Variants in DIAPH3 observed in about 807,000 individuals in gnomAD.
DIAPH3 encodes the protein diaphanous related formin 3.
DIAPH3 carries 117 observed loss-of-function variants against 144.3 expected under a neutral mutation model. The observed-to-expected ratio is 0.81, with a 90% CI of 0.70 to 0.95. DIAPH3 has a LOEUF of 0.95. Ranked by LOEUF, DIAPH3 falls within the 40% of genes least tolerant of loss-of-function variation. The pLI is 0.00. For synonymous variants in DIAPH3, 519 were observed against 488.9 expected (o/e 1.06, Z -0.81); for missense variants, 1,421 against 1,412.7 (o/e 1.01, Z -0.09).
At chr13:60,113,158 T>C (rs1301893561) in intron 2 of DIAPH3, among the ~76,000 whole-genome samples, 1 of 152,218 alleles carries the variant, frequency 6.6e-6, no homozygotes, top group African/African-American at 2.4e-5. Context: ...CTATGTATGA[T>C]TATTAAATTA....
intron 27 of DIAPH3, among the ~76,000 whole-genome samples, chr13:59,761,879 G>A (rs190257797): frequency 2.6e-5 from 4 of 151,828 alleles, no homozygotes; most frequent in East Asian, 1.9e-4. Flanking sequence ...AAGAGATTTC[G>A]GCTTCTGGTT....
chr13:59,921,893 G>A (rs755396378), intron 18 of DIAPH3, among the ~76,000 whole-genome samples: 7 of 151,996 alleles, frequency 4.6e-5, no homozygotes, highest in Non-Finnish European at 8.8e-5. Context: ...ATGCAAGGAT[G>A]GTTCAAAACA....
chr13:59,712,325 C>G (rs1025251142), intron 27 of DIAPH3, among the ~76,000 whole-genome samples: 1 of 152,166 alleles, frequency 6.6e-6, no homozygotes, highest in African/African-American at 2.4e-5. Context: ...TTCTCTTTCT[C>G]AAATAAAGCA....
At chr13:59,771,765 T>C (rs1476209824) in intron 27 of DIAPH3, among the ~76,000 whole-genome samples, 1 of 152,136 alleles carries the variant, frequency 6.6e-6, no homozygotes, top group Admixed American at 6.6e-5. Context: ...TTGACTAGTT[T>C]CGACTATGAA....
At chr13:59,791,771 G>C (rs2039338178) in intron 25 of DIAPH3, among the ~76,000 whole-genome samples, 1 of 152,192 alleles carries the variant, frequency 6.6e-6, no homozygotes, top group Non-Finnish European at 1.5e-5. Context: ...CTTTCTCCCA[G>C]AATCTGACAA....
At chr13:60,118,461 C>G (rs1040736540) in intron 2 of DIAPH3, among the ~76,000 whole-genome samples, 2 of 152,106 alleles carry the variant, frequency 1.3e-5, no homozygotes, top group Non-Finnish European at 2.9e-5. Flanking sequence ...GAAATTTTCA[C>G]GAAATCCAGG....
At chr13:60,002,961 G>A (rs541441451) in intron 9 of DIAPH3, among the ~76,000 whole-genome samples, 1 of 152,260 alleles carries the variant, frequency 6.6e-6, no homozygotes, top group African/African-American at 2.4e-5. Flanking sequence ...AATAACAGAA[G>A]ATTAAAGGAC....
At chr13:60,131,549 C>T (rs747039776) in intron 2 of DIAPH3, among the ~76,000 whole-genome samples, 6 of 149,930 alleles carry the variant, frequency 4.0e-5, no homozygotes, top group South Asian at 4.2e-4. Flanking sequence ...AGACCACATA[C>T]GATATGAGTC....
chr13:59,809,870 T>C (rs941082410), intron 25 of DIAPH3, among the ~76,000 whole-genome samples: 1 of 152,172 alleles, frequency 6.6e-6, no homozygotes, highest in Non-Finnish European at 1.5e-5. Context: ...TTGTAAACTA[T>C]GGTGATTTAG....
rs530179204 is a variant in DIAPH3, at chr13:59,829,234, A to G, written c.3027+3873T>C. 2.6e-5 allele frequency among the ~76,000 whole-genome samples: 4 copies of G among 152,170 alleles called. No individual in the cohort carries two copies. The East Asian group carries it at 5.8e-4, about 22-fold the overall frequency. On this transcript the variant is annotated intron_variant, in intron 24 of 27. Transcript: ENST00000400324. The stretch of plus-strand genomic sequence containing the variant: ...ATCCCAAGACAATCTTAAACTATAC[A>G]TATTTTAGATCAATTATTTACAAAC...
At chr13:59,705,708 A>G (rs1429103506) in intron 27 of DIAPH3, among the ~76,000 whole-genome samples, 1 of 152,216 alleles carries the variant, frequency 6.6e-6, no homozygotes. Context: ...TTCAAAGTAT[A>G]CAATACACAC....
chr13:59,840,670 G>A (rs576448255), intron 22 of DIAPH3, among the ~76,000 whole-genome samples: 1 of 152,072 alleles, frequency 6.6e-6, no homozygotes, highest in Admixed American at 6.5e-5. Context: ...ATTCTCAGAT[G>A]CAACGTTTAA....
chr13:59,784,995 C>A (rs2038957427), intron 25 of DIAPH3, among the ~76,000 whole-genome samples: 1 of 152,106 alleles, frequency 6.6e-6, no homozygotes, highest in South Asian at 2.1e-4. Context: ...GAACAAAGCT[C>A]AAAATGCTAC....
At chr13:60,005,220 T>C (rs1448349024) in intron 9 of DIAPH3, among the ~76,000 whole-genome samples, 1 of 151,114 alleles carries the variant, frequency 6.6e-6, no homozygotes, top group Non-Finnish European at 1.5e-5. Context: ...CTCTAAAATA[T>C]TTTGCTATTA....
At chr13:60,043,398 G>C (rs1490488755) in intron 4 of DIAPH3, among the ~76,000 whole-genome samples, 4 of 152,196 alleles carry the variant, frequency 2.6e-5, no homozygotes, top group Non-Finnish European at 1.5e-5. Flanking sequence ...ACAGATCAGG[G>C]AAGCTTGCAA....
chr13:59,681,652 C>T (rs1159925621), intron 27 of DIAPH3, among the ~76,000 whole-genome samples: 3 of 151,604 alleles, frequency 2.0e-5, no homozygotes, highest in Admixed American at 6.6e-5. Context: ...ATTATAAAAA[C>T]AATACTAGTA....
intron 17 of DIAPH3, 122 bp downstream of exon 17, chr13:59,969,822 T>C (rs920427310): frequency 3.6e-6 from 2 of 563,240 alleles, no homozygotes; most frequent in Non-Finnish European, 6.1e-6. Context: ...ATTTGCCCAT[T>C]AGGAATGTAA....
intron 9 of DIAPH3, among the ~76,000 whole-genome samples, chr13:60,007,669 A>T (rs1293253572): frequency 6.6e-6 from 1 of 152,184 alleles, no homozygotes; most frequent in Non-Finnish European, 1.5e-5. Context: ...AGTATTTTTT[A>T]AGATGACCAC....
At chr13:59,850,135 A>G (rs564360669) in intron 22 of DIAPH3, among the ~76,000 whole-genome samples, 3 of 152,022 alleles carry the variant, frequency 2.0e-5, no homozygotes, top group African/African-American at 7.3e-5. Context: ...TTGTTGGTGT[A>G]TAAGAATGCT....
Sources: gnomAD v4.1 joint callset for allele counts (sites outside exome capture counted in the v4.1 genomes callset) on GRCh38, gnomAD v4.1.1 for gene constraint, MANE v1.5 for transcripts, NCBI Gene and HGNC (gene_info 2026-07-23, HGNC 2026-07-21) for gene names.